Variants in GARIN1A observed in about 807,000 individuals in gnomAD.
The protein encoded by GARIN1A is golgi associated RAB2 interactor 1A, also known as Golgi-associated RAB2 interactor protein 1A.
chr7:128,707,136 C>G, the GARIN1A span, among the ~76,000 whole-genome samples: 1 of 151,816 alleles, frequency 6.6e-6, no homozygotes, highest in Non-Finnish European at 1.5e-5. Flanking sequence ...GTGAAGCCAA[C>G]CTTACTACCA....
chr7:128,684,514 G>T, the GARIN1A span: 1 of 149,966 alleles, frequency 6.7e-6, no homozygotes, highest in Admixed American at 6.7e-5. Flanking sequence ...TACTCAGGAG[G>T]TTGAGGCAGG....
the GARIN1A span, among the ~76,000 whole-genome samples, chr7:128,698,721 TC>T: frequency 6.6e-6 from 1 of 152,164 alleles, no homozygotes; most frequent in Non-Finnish European, 1.5e-5. Flanking sequence ...TGCCTCAGCC[TC>T]CCAAGTAGCT....
At chr7:128,677,967 T>A in the GARIN1A span, 2 of 565,642 alleles carry the variant, frequency 3.5e-6, no homozygotes, top group Non-Finnish European at 5.8e-6. Flanking sequence ...ATGAATGAAT[T>A]AAAATTTATT....
chr7:128,692,319 A>G, the GARIN1A span, among the ~76,000 whole-genome samples: 25 of 152,218 alleles, frequency 1.6e-4, no homozygotes, highest in Admixed American at 1.4e-3. Flanking sequence ...CCTTTCTGCC[A>G]TAGCCAGCTG....
At chr7:128,679,318 G>A in the GARIN1A span, among the ~76,000 whole-genome samples, 6 of 151,880 alleles carry the variant, frequency 4.0e-5, no homozygotes, top group East Asian at 5.8e-4. Flanking sequence ...TCAGCCTTCC[G>A]AGTAGCTGGG....
chr7:128,674,784 G>A, the GARIN1A span, among the ~76,000 whole-genome samples: 1 of 152,156 alleles, frequency 6.6e-6, no homozygotes, highest in African/African-American at 2.4e-5. Context: ...GGGCAATGGT[G>A]TCGATAGTTT....
chr7:128,699,260 G>GCA, the GARIN1A span, among the ~76,000 whole-genome samples: 1 of 105,016 alleles, frequency 9.5e-6, no homozygotes, highest in African/African-American at 3.5e-5. Flanking sequence ...CATACCTGCT[G>GCA]CCCCCCCCCC....
chr7:128,694,770 A>C, the GARIN1A span, among the ~76,000 whole-genome samples: 4 of 152,184 alleles, frequency 2.6e-5, no homozygotes, highest in Admixed American at 2.0e-4. Flanking sequence ...AGAATGACTA[A>C]ACTCACAAAC....
At chr7:128,683,460 A>ATTTC in the GARIN1A span, 69 of 150,484 alleles carry the variant, frequency 4.6e-4, no homozygotes, top group East Asian at 0.011. Flanking sequence ...AATTTTATTT[A>ATTTC]TTTATTTATT....
chr7:128,707,826 C>G, the GARIN1A span, among the ~76,000 whole-genome samples: 1 of 152,048 alleles, frequency 6.6e-6, no homozygotes, highest in Non-Finnish European at 1.5e-5. Flanking sequence ...TTCATTAGGT[C>G]CATGCATGCT....
At chr7:128,688,754 C>T in the GARIN1A span, among the ~76,000 whole-genome samples, 3 of 96,324 alleles carry the variant, frequency 3.1e-5, 1 homozygote, top group South Asian at 1.1e-3. Flanking sequence ...TTAATAATAA[C>T]GGTCCCCCCT....
chr7:128,672,462 T>A, the GARIN1A span: 2 of 1,608,602 alleles, frequency 1.2e-6, no homozygotes, highest in Non-Finnish European at 1.7e-6. Context: ...GAACTTGGGG[T>A]GGAAAATGGC....
At chr7:128,676,455 ATG>A in the GARIN1A span, among the ~76,000 whole-genome samples, 9 of 119,156 alleles carry the variant, frequency 7.6e-5, no homozygotes, top group Non-Finnish European at 1.1e-4. Flanking sequence ...GTGTGTATAT[ATG>A]TGTGTGTGTG....
the GARIN1A span, among the ~76,000 whole-genome samples, chr7:128,680,564 C>CTT: frequency 0.023 from 2,633 of 113,746 alleles, 59 homozygotes; most frequent in South Asian, 0.062. Flanking sequence ...TTCTTTCTTT[C>CTT]TTTTTATTTT....
chr7:128,684,550 G>A, the GARIN1A span: 1 of 145,558 alleles, frequency 6.9e-6, no homozygotes, highest in Admixed American at 7.2e-5. Context: ...AGGAGGCAGA[G>A]CTTGCAGTGA....
the GARIN1A span, among the ~76,000 whole-genome samples, chr7:128,671,670 A>G: frequency 1.8e-4 from 27 of 149,296 alleles, no homozygotes; most frequent in African/African-American, 6.6e-4. Flanking sequence ...AAAAGTTTTA[A>G]TAATTGCTGT....
At chr7:128,698,226 C>T in the GARIN1A span, among the ~76,000 whole-genome samples, 2 of 152,102 alleles carry the variant, frequency 1.3e-5, no homozygotes, top group Non-Finnish European at 1.5e-5. Context: ...GAGTGTTGAC[C>T]TCCCCAGTGC....
At chr7:128,707,220 ATG>A in the GARIN1A span, among the ~76,000 whole-genome samples, 25,194 of 147,060 alleles carry the variant, frequency 0.17, 2,293 homozygotes, top group East Asian at 0.37. Flanking sequence ...GTGTGTATGT[ATG>A]TGTGTGTGTG....
At chr7:128,682,235 C>A in the GARIN1A span, among the ~76,000 whole-genome samples, 1 of 152,180 alleles carries the variant, frequency 6.6e-6, no homozygotes, top group African/African-American at 2.4e-5. Context: ...ACGTGACAAC[C>A]CAAGCCCTTG....
Sources: allele counts gnomAD v4.1 joint callset (sites outside exome capture counted in the v4.1 genomes callset), GRCh38; gene constraint gnomAD v4.1.1; transcripts MANE v1.5; gene names NCBI Gene and HGNC (gene_info 2026-07-23, HGNC 2026-07-21).